The following TENM3 variants were observed in gnomAD, a reference collection of about 807,000 sequenced individuals.
TENM3 encodes teneurin-3.
A neutral mutation model predicts 255.1 loss-of-function variants in TENM3; 63 were observed. That is an observed-to-expected ratio of 0.25 (90% CI 0.20 to 0.30). TENM3 has a LOEUF of 0.30. Among genes scored for constraint, TENM3 ranks in the 10% least tolerant of loss-of-function variants. The pLI, the probability that TENM3 is intolerant of heterozygous loss-of-function variation, is 1.00. For synonymous variants in TENM3, 1,306 were observed against 1,322.3 expected, an observed-to-expected ratio of 0.99 and a Z score of 0.27; for missense variants, 2,929 against 3,461.1, an observed-to-expected ratio of 0.85 and a Z score of 3.86.
the TENM3 span, among the ~76,000 whole-genome samples, chr4:181,970,409 A>G: frequency 2.0e-5 from 3 of 152,172 alleles, no homozygotes; most frequent in African/African-American, 7.2e-5. Flanking sequence ...GGATTTTCTG[A>G]CAGAAACTTT....
At chr4:181,625,131 C>G in the TENM3 span, among the ~76,000 whole-genome samples, 2 of 152,180 alleles carry the variant, frequency 1.3e-5, no homozygotes, top group African/African-American at 2.4e-5. Flanking sequence ...ATGGGAGAAG[C>G]AGCACCTTCA....
At chr4:182,138,535 A>T in the TENM3 span, among the ~76,000 whole-genome samples, 1 of 152,208 alleles carries the variant, frequency 6.6e-6, no homozygotes, top group East Asian at 1.9e-4. Context: ...GCAGACAGGA[A>T]CAAACAAAGA....
the TENM3 span, among the ~76,000 whole-genome samples, chr4:181,946,283 A>C: frequency 6.6e-6 from 1 of 152,202 alleles, no homozygotes. Context: ...AGTTACACTC[A>C]CATCAACTGT....
At chr4:181,712,613 C>T in the TENM3 span, among the ~76,000 whole-genome samples, 2 of 152,078 alleles carry the variant, frequency 1.3e-5, no homozygotes, top group Non-Finnish European at 2.9e-5. Flanking sequence ...CTAATAAGCC[C>T]TATTACTCCC....
chr4:182,432,380 G>T (rs1275271986), intron 3 of TENM3, among the ~76,000 whole-genome samples: 1 of 152,102 alleles, frequency 6.6e-6, no homozygotes, highest in Non-Finnish European at 1.5e-5. Flanking sequence ...CTTTACATTG[G>T]ATTGTAGTCA....
intron 1 of TENM3, among the ~76,000 whole-genome samples, chr4:182,249,537 T>A (rs1232835255): frequency 6.6e-6 from 1 of 152,178 alleles, no homozygotes; most frequent in Non-Finnish European, 1.5e-5. Flanking sequence ...TCTTAAAATC[T>A]TCTGCTCCAT....
chr4:182,516,868 GCAA>G (rs1285172764), intron 3 of TENM3, among the ~76,000 whole-genome samples: 1 of 148,300 alleles, frequency 6.7e-6, no homozygotes, highest in African/African-American at 2.5e-5. Context: ...TCCAGCTTGG[GCAA>G]CAGAGCAAGA....
chr4:182,283,677 A>C (rs2150286231), intron 1 of TENM3, among the ~76,000 whole-genome samples: 1 of 152,304 alleles, frequency 6.6e-6, no homozygotes, highest in East Asian at 1.9e-4. Context: ...AGAATGAATA[A>C]AAAGAAGCGA....
chr4:182,161,307 T>G (rs537908439), intron 1 of TENM3, among the ~76,000 whole-genome samples: 7,021 of 133,818 alleles, frequency 0.052, 702 homozygotes, highest in Non-Finnish European at 0.075. Context: ...TCCCAGCTAC[T>G]CGGGAGGCTG....
At chr4:182,158,177 T>A (rs1750845534) in intron 1 of TENM3, among the ~76,000 whole-genome samples, 1 of 152,258 alleles carries the variant, frequency 6.6e-6, no homozygotes, top group East Asian at 1.9e-4. Flanking sequence ...GTCATTGCCA[T>A]GTGAGGGTGA....
chr4:182,252,025 A>G (rs929430975), intron 1 of TENM3, among the ~76,000 whole-genome samples: 13 of 152,114 alleles, frequency 8.5e-5, no homozygotes, highest in African/African-American at 3.1e-4. Flanking sequence ...TCTACGAAAA[A>G]TACAAAAACT....
chr4:181,485,496 AAG>A, the TENM3 span, among the ~76,000 whole-genome samples: 4 of 152,146 alleles, frequency 2.6e-5, no homozygotes, highest in Admixed American at 1.3e-4. Flanking sequence ...TTTTAAAAAA[AAG>A]AGTATCACTT....
At chr4:182,552,993 C>G (rs1418734024) in intron 3 of TENM3, among the ~76,000 whole-genome samples, 1 of 152,182 alleles carries the variant, frequency 6.6e-6, no homozygotes, top group Non-Finnish European at 1.5e-5. Context: ...CCGGGACATG[C>G]ATGATACTGA....
chr4:182,116,385 G>T, the TENM3 span, among the ~76,000 whole-genome samples: 8 of 149,644 alleles, frequency 5.3e-5, no homozygotes. Flanking sequence ...ATCTCATCTT[G>T]AATGTAGTTC....
chr4:182,637,061 G>A (rs747533396), intron 5 of TENM3, among the ~76,000 whole-genome samples: 26 of 152,132 alleles, frequency 1.7e-4, no homozygotes, highest in Non-Finnish European at 3.5e-4. Flanking sequence ...GGTACTAACA[G>A]CGGCATATTC....
chr4:182,554,765 CA>C (rs1742414717), intron 3 of TENM3, among the ~76,000 whole-genome samples: 1 of 151,924 alleles, frequency 6.6e-6, no homozygotes, highest in Admixed American at 6.6e-5. Context: ...AATTCTGAAA[CA>C]AAGCCCATGT....
the TENM3 span, among the ~76,000 whole-genome samples, chr4:181,673,186 ATTATTGTG>A: frequency 2.6e-5 from 4 of 152,134 alleles, no homozygotes; most frequent in African/African-American, 9.7e-5. Context: ...GCGTATACCT[ATTATTGTG>A]TTGTAAACAA....
At chr4:182,602,622 T>C (rs1748008045) in intron 4 of TENM3, among the ~76,000 whole-genome samples, 1 of 152,192 alleles carries the variant, frequency 6.6e-6, no homozygotes, top group South Asian at 2.1e-4. Flanking sequence ...TATTTTGTAT[T>C]ATTGAACATT....
At chr4:182,678,792 A>G (rs1435518000) in intron 7 of TENM3, among the ~76,000 whole-genome samples, 2 of 152,228 alleles carry the variant, frequency 1.3e-5, no homozygotes, top group East Asian at 3.8e-4. Context: ...TTGTGGTCTA[A>G]CTAAAACAAG....
Sources: allele counts gnomAD v4.1 joint callset (sites outside exome capture counted in the v4.1 genomes callset), GRCh38; gene constraint gnomAD v4.1.1; transcripts MANE v1.5; gene names NCBI Gene and HGNC (gene_info 2026-07-23, HGNC 2026-07-21).